HTR4: variants seen among roughly 807,000 people sequenced by gnomAD.
HTR4 encodes 5-hydroxytryptamine receptor 4, also known as 5-hydroxytryptamine (serotonin) receptor 4, G protein-coupled.
In HTR4, 16 loss-of-function variants were observed where a neutral mutation model predicts 36.8. The ratio of observed to expected loss-of-function variants is 0.43; its 90% confidence interval spans 0.29 to 0.66. The LOEUF is 0.66. HTR4 is among the 30% of genes least tolerant of loss of function. HTR4 has a pLI of 0.13. For missense variants in HTR4, 438 were observed against 490.9 expected, an observed-to-expected ratio of 0.89 and a Z score of 1.02; for synonymous variants, 189 against 185.1, an observed-to-expected ratio of 1.02 and a Z score of -0.17.
At chr5:148,553,028 G>A (rs894515419) in intron 2 of HTR4, among the ~76,000 whole-genome samples, 5 of 152,200 alleles carry the variant, frequency 3.3e-5, no homozygotes, top group East Asian at 1.9e-4. Context: ...CTATCTGAGC[G>A]CTGTCATTTG....
rs924412191 is a variant in HTR4 at position 148,501,906 on chromosome 5, A to G, written c.1076+7550T>C. ...AACCCTGTCTCTACTAAAAATACAA[A>G]AAAATTAGCCAGGCATGGTGGCAGG... On this transcript the variant is annotated intron_variant, in intron 6 of 6. Coordinates refer to ENST00000377888, the MANE Select transcript of HTR4 (RefSeq NM_000870.7). Among the ~76,000 whole-genome samples, 7 of 151,980 alleles carry G rather than the reference A, an allele frequency of 4.6e-5. No individual in the cohort carries two copies. In the South Asian group the frequency reaches 6.2e-4, roughly 14 times the overall value.
At chr5:148,538,522 C>A (rs1305546756) in intron 4 of HTR4, among the ~76,000 whole-genome samples, 1 of 152,070 alleles carries the variant, frequency 6.6e-6, no homozygotes, top group African/African-American at 2.4e-5. Flanking sequence ...ACAACTTCAG[C>A]AAAGTTTCAG....
chr5:148,456,211 A>G, intron 5 of HTR4, among the ~76,000 whole-genome samples: 1 of 152,168 alleles, frequency 6.6e-6, no homozygotes, highest in East Asian at 1.9e-4. Context: ...AGTCTGCATG[A>G]TTCAAGCATA....
intron 6 of HTR4, among the ~76,000 whole-genome samples, chr5:148,503,964 C>G (rs1015521148): frequency 6.6e-6 from 1 of 152,262 alleles, no homozygotes; most frequent in Non-Finnish European, 1.5e-5. Context: ...TAGATATGCA[C>G]CCAATACAGG....
intron 2 of HTR4, among the ~76,000 whole-genome samples, chr5:148,565,831 T>A (rs916052090): frequency 6.6e-6 from 1 of 152,150 alleles, no homozygotes; most frequent in Non-Finnish European, 1.5e-5. Flanking sequence ...TGCACCTGGT[T>A]ACTAGTCATC....
chr5:148,625,336 G>A (rs1753061014), intron 2 of HTR4, among the ~76,000 whole-genome samples: 1 of 152,038 alleles, frequency 6.6e-6, no homozygotes, highest in Non-Finnish European at 1.5e-5. Context: ...GTATAAAAAG[G>A]GTACTAGTTA....
intron 2 of HTR4, chr5:148,630,186 A>G (rs1416278390): frequency 2.0e-5 from 3 of 152,186 alleles, no homozygotes; most frequent in Non-Finnish European, 4.4e-5. Context: ...AAATATATAC[A>G]ACAGTTTCCA....
intron 2 of HTR4, among the ~76,000 whole-genome samples, chr5:148,578,222 G>A (rs1761001867): frequency 6.6e-6 from 1 of 151,940 alleles, no homozygotes; most frequent in South Asian, 2.1e-4. Flanking sequence ...GTCGTGCTTT[G>A]TTTCCTAAAC....
chr5:148,600,053 G>T (rs1400109522), intron 2 of HTR4, among the ~76,000 whole-genome samples: 1 of 151,038 alleles, frequency 6.6e-6, no homozygotes, highest in Admixed American at 6.6e-5. Flanking sequence ...CCAAAATATG[G>T]TGGGAAGGCT....
intron 2 of HTR4, among the ~76,000 whole-genome samples, chr5:148,586,173 T>G (rs973112989): frequency 2.0e-5 from 3 of 152,182 alleles, no homozygotes; most frequent in African/African-American, 7.2e-5. Flanking sequence ...TGCTCACTGC[T>G]GCATTCCAGA....
At chr5:148,611,429 G>T (rs1443999600) in intron 2 of HTR4, among the ~76,000 whole-genome samples, 1 of 143,512 alleles carries the variant, frequency 7.0e-6, no homozygotes, top group Non-Finnish European at 1.5e-5. Context: ...GCCAAACTAA[G>T]CTTCATAAGT....
chr5:148,640,278 A>C (rs1753683630), intron 1 of HTR4, among the ~76,000 whole-genome samples: 1 of 152,148 alleles, frequency 6.6e-6, no homozygotes, highest in Admixed American at 6.5e-5. Flanking sequence ...TAATGTCTGG[A>C]TTTTCCTTAC....
intron 2 of HTR4, among the ~76,000 whole-genome samples, chr5:148,615,140 G>C (rs376713846): frequency 6.6e-6 from 1 of 150,890 alleles, no homozygotes; most frequent in Non-Finnish European, 1.5e-5. Flanking sequence ...CAGGGATCTA[G>C]AACTAGAAAT....
chr5:148,516,139 G>A (rs1019229107), intron 5 of HTR4, among the ~76,000 whole-genome samples: 3 of 150,926 alleles, frequency 2.0e-5, no homozygotes, highest in Admixed American at 6.6e-5. Flanking sequence ...ACAAGGTTAT[G>A]GTATAACATC....
chr5:148,629,416 T>A (rs1753240490), intron 2 of HTR4: 1 of 152,222 alleles, frequency 6.6e-6, no homozygotes, highest in Non-Finnish European at 1.5e-5. Flanking sequence ...CTCTTCTCAC[T>A]TCACAGGTGA....
At chr5:148,579,774 G>A (rs983588952) in intron 2 of HTR4, among the ~76,000 whole-genome samples, 1 of 152,022 alleles carries the variant, frequency 6.6e-6, no homozygotes, top group Non-Finnish European at 1.5e-5. Flanking sequence ...CACATTCCTT[G>A]ACACATGGTC....
intron 5 of HTR4, among the ~76,000 whole-genome samples, chr5:148,521,478 C>T (rs530242554): frequency 6.6e-6 from 1 of 151,928 alleles, no homozygotes; most frequent in Admixed American, 6.6e-5. Context: ...TGCCTTTGGA[C>T]TCAAACTAAA....
At chr5:148,595,307 C>T (rs1011957963) in intron 2 of HTR4, among the ~76,000 whole-genome samples, 3 of 152,092 alleles carry the variant, frequency 2.0e-5, no homozygotes, top group African/African-American at 7.2e-5. Context: ...AATTCTAGCA[C>T]CACCACGACC....
chr5:148,513,124 G>A (rs946149778), intron 5 of HTR4, among the ~76,000 whole-genome samples: 23 of 151,950 alleles, frequency 1.5e-4, no homozygotes, highest in African/African-American at 5.6e-4. Flanking sequence ...TAGTAGCTGG[G>A]ACTACAGGTG....
Sources: allele counts gnomAD v4.1 joint callset (sites outside exome capture counted in the v4.1 genomes callset), GRCh38; gene constraint gnomAD v4.1.1; transcripts MANE v1.5; gene names NCBI Gene and HGNC (gene_info 2026-07-23, HGNC 2026-07-21).